EBF2: variants seen among roughly 807,000 people sequenced by gnomAD.
EBF2 encodes the protein transcription factor COE2.
A neutral mutation model predicts 72.8 loss-of-function variants in EBF2; 21 were observed. The ratio of observed to expected loss-of-function variants is 0.29; its 90% CI spans 0.20 to 0.42. The LOEUF is 0.42. Among genes scored for constraint, EBF2 ranks in the 10% least tolerant of loss-of-function variants. The pLI is 1.00. For synonymous variants in EBF2, 299 were observed against 274.2 expected, an observed-to-expected ratio of 1.09 and a Z score of -0.89; for missense variants, 637 against 731.2, an observed-to-expected ratio of 0.87 and a Z score of 1.49.
At chr8:25,969,273 G>A (rs949105250) in intron 6 of EBF2, among the ~76,000 whole-genome samples, 10 of 152,230 alleles carry the variant, frequency 6.6e-5, no homozygotes, top group Non-Finnish European at 1.0e-4. Flanking sequence ...CTTCCTTGGT[G>A]TCTAAAACTG....
At chr8:25,907,376 C>A (rs1803052644) in intron 7 of EBF2, among the ~76,000 whole-genome samples, 1 of 123,776 alleles carries the variant, frequency 8.1e-6, no homozygotes, top group Non-Finnish European at 1.6e-5. Context: ...GCCAAGATCA[C>A]ACCACTGCTC....
At chr8:25,897,222 T>TTA (rs747855923) in intron 7 of EBF2, among the ~76,000 whole-genome samples, 18 of 151,436 alleles carry the variant, frequency 1.2e-4, no homozygotes, top group African/African-American at 4.1e-4. Context: ...TCTTTTTTTT[T>TTA]AAAAAAAAAT....
chr8:25,909,165 T>C (rs1803086699), intron 6 of EBF2, among the ~76,000 whole-genome samples: 1 of 152,196 alleles, frequency 6.6e-6, no homozygotes, highest in South Asian at 2.1e-4. Flanking sequence ...CAGAGAAACA[T>C]GAAAGCACAG....
chr8:25,885,764 A>T (rs9314312), intron 10 of EBF2, among the ~76,000 whole-genome samples: 70,606 of 152,098 alleles, frequency 0.46, 18,866 homozygotes, highest in African/African-American at 0.74. Flanking sequence ...TCTGCCATGA[A>T]TATGAGGCCT....
At chr8:25,898,450 T>TTAA (rs1802892492) in intron 7 of EBF2, among the ~76,000 whole-genome samples, 1 of 144,468 alleles carries the variant, frequency 6.9e-6, no homozygotes, top group East Asian at 2.0e-4. Flanking sequence ...CAGTGGCAAT[T>TTAA]AAAAAAAAAA....
At chr8:25,872,034 G>T (rs4297047) in intron 10 of EBF2, among the ~76,000 whole-genome samples, 41,181 of 151,490 alleles carry the variant, frequency 0.27, 5,833 homozygotes, top group South Asian at 0.4. Context: ...ATTCTATATG[G>T]TTTTAATTTT....
At chr8:26,016,429 T>C (rs1358057957) in intron 6 of EBF2, among the ~76,000 whole-genome samples, 4 of 152,232 alleles carry the variant, frequency 2.6e-5, no homozygotes, top group Non-Finnish European at 5.9e-5. Context: ...CACACATTCA[T>C]TCGTCTTTTA....
chr8:25,872,547 C>T (rs529526811), intron 10 of EBF2, among the ~76,000 whole-genome samples: 36 of 152,296 alleles, frequency 2.4e-4, no homozygotes, highest in African/African-American at 8.4e-4. Context: ...ATCAGATGTG[C>T]ACACAGCCCA....
chr8:25,851,112 T>C lies in EBF2; in HGVS notation c.1529-351A>G, dbSNP rs577400237. 2.0e-5 allele frequency among the ~76,000 whole-genome samples: 3 copies of C among 151,994 alleles called. No individual in the cohort carries two copies. The East Asian group carries it at 5.9e-4, about 30-fold the overall frequency. ...AGCTTGGCAAGAGAGAAGACTGAGA[T>C]CAAACATGCCTGAAAAATCATCAAA... is the stretch of plus-strand genomic sequence containing the variant. On this transcript the variant is annotated intron_variant, in intron 14 of 15. Transcript: ENST00000520164.
chr8:26,015,330 G>A (rs1805091484), intron 6 of EBF2, among the ~76,000 whole-genome samples: 2 of 152,162 alleles, frequency 1.3e-5, no homozygotes, highest in South Asian at 4.1e-4. Flanking sequence ...AATAAGCCTG[G>A]ATAGAATCAA....
chr8:25,896,082 A>C (rs1036176788), intron 7 of EBF2, among the ~76,000 whole-genome samples: 1 of 152,222 alleles, frequency 6.6e-6, no homozygotes, highest in African/African-American at 2.4e-5. Context: ...GTTTCTACAA[A>C]GACCCTAAGT....
chr8:25,907,507 G>A (rs914503308), intron 7 of EBF2, among the ~76,000 whole-genome samples: 1 of 148,624 alleles, frequency 6.7e-6, no homozygotes, highest in African/African-American at 2.5e-5. Flanking sequence ...CAGCTGCAAC[G>A]TGTCGCATGC....
intron 10 of EBF2, among the ~76,000 whole-genome samples, chr8:25,873,020 G>A (rs146143835): frequency 7.2e-5 from 11 of 152,226 alleles, no homozygotes; most frequent in African/African-American, 2.4e-4. Flanking sequence ...CTAGGATTTG[G>A]GTTCCCTTCT....
chr8:26,002,285 G>A (rs1288154893), intron 6 of EBF2, among the ~76,000 whole-genome samples: 1 of 152,136 alleles, frequency 6.6e-6, no homozygotes, highest in African/African-American at 2.4e-5. Flanking sequence ...CTAGATGGGA[G>A]ACGAATTTTA....
At chr8:25,987,056 A>G (rs1177282908) in intron 6 of EBF2, among the ~76,000 whole-genome samples, 3 of 152,188 alleles carry the variant, frequency 2.0e-5, no homozygotes, top group African/African-American at 7.2e-5. Flanking sequence ...ATTAAAAAAA[A>G]AAACTGATAA....
intron 6 of EBF2, among the ~76,000 whole-genome samples, chr8:25,954,978 A>T (rs1186986137): frequency 1.3e-5 from 2 of 152,200 alleles, no homozygotes; most frequent in African/African-American, 4.8e-5. Context: ...GAGGACTCAG[A>T]CGCAGCGCGC....
intron 14 of EBF2, among the ~76,000 whole-genome samples, chr8:25,853,350 G>T (rs1464171859): frequency 4.6e-5 from 7 of 151,686 alleles, no homozygotes; most frequent in Non-Finnish European, 8.8e-5. Flanking sequence ...AAAGAAAAAC[G>T]CCCCAAGAGA....
chr8:26,030,060 C>T (rs974380713), intron 6 of EBF2, among the ~76,000 whole-genome samples: 3 of 152,116 alleles, frequency 2.0e-5, no homozygotes, highest in African/African-American at 7.2e-5. Flanking sequence ...CACAGGTGTG[C>T]ACCACCACAC....
chr8:25,960,993 A>G (rs367763950), intron 6 of EBF2, among the ~76,000 whole-genome samples: 4 of 152,226 alleles, frequency 2.6e-5, no homozygotes, highest in Non-Finnish European at 4.4e-5. Context: ...GTGTGTATTC[A>G]TAAGTACCTA....
Sources: allele counts gnomAD v4.1 joint callset (sites outside exome capture counted in the v4.1 genomes callset), GRCh38; gene constraint gnomAD v4.1.1; transcripts MANE v1.5; gene names NCBI Gene and HGNC (gene_info 2026-07-23, HGNC 2026-07-21).